The following ALOX15 variants were observed in gnomAD, a reference collection of about 807,000 sequenced individuals.
ALOX15 encodes the protein arachidonate 15-lipoxygenase.
In ALOX15, 68 loss-of-function variants were observed where a neutral mutation model predicts 71.7. The ratio of observed to expected loss-of-function variants is 0.95; its 90% CI spans 0.78 to 1.16. The LOEUF (loss-of-function observed/expected upper bound fraction) is 1.16, where lower values mean the gene tolerates loss of function less well. Ranked by LOEUF, ALOX15 falls within the 50% of genes most tolerant of loss-of-function variation. The probability of loss-of-function intolerance (pLI) is 0.00; values close to 1 mark genes in which losing one functional copy is unlikely to be tolerated. For missense variants in ALOX15, 798 were observed against 818.8 expected, an observed-to-expected ratio of 0.97 and a Z score of 0.31; for synonymous variants, 346 against 333.3, an observed-to-expected ratio of 1.04 and a Z score of -0.42.
chr17:4,637,017 G>A (rs1911121708), intron 7 of ALOX15, 98 bp downstream of exon 7: 5 of 1,454,256 alleles, frequency 3.4e-6, no homozygotes, highest in Non-Finnish European at 4.7e-6. Flanking sequence ...AGGTGCCTTA[G>A]CCCAGTGCCT....
chr17:4,632,332 G>T, intron 11 of ALOX15, 51 bp from the exon 12 acceptor site: 2 of 1,486,498 alleles, frequency 1.3e-6, no homozygotes, highest in Non-Finnish European at 1.9e-6. Context: ...GTAGGGCAGC[G>T]CTCAGAGGAA....
Position 4,633,288 on chromosome 17 carries a change from C to CGT in ALOX15, c.1274_1275dup (p.Val426ThrfsTer12), listed in dbSNP as rs1910981785. On this transcript the variant is annotated frameshift_variant, in exon 10 of 14. Transcript: ENST00000293761. LOFTEE classifies it high-confidence loss of function. Reference sequence around the variant, plus strand: ...GCTCCAGCTTGCTTGAGCAGCTGCACGTGGCCTCCCCCACCAGTGCTCATT... The same window carrying CGT: ...GCTCCAGCTTGCTTGAGCAGCTGCACGTGTGGCCTCCCCCACCAGTGCTCATT... 2 of 1,614,036 alleles carry CGT rather than the reference C, an allele frequency of 1.2e-6. No homozygotes were observed. Among genetic ancestry groups the CGT allele is most frequent in the Non-Finnish European group, 8.5e-7 (1 of 1,179,962 alleles).
intron 5 of ALOX15, 36 bp downstream of exon 5, chr17:4,638,545 G>C: frequency 6.3e-7 from 1 of 1,599,232 alleles, no homozygotes; most frequent in Non-Finnish European, 8.6e-7. Flanking sequence ...GGTGGGATCT[G>C]GGGGGTTGGG....
intron 11 of ALOX15, 83 bp from the exon 12 acceptor site, chr17:4,632,364 G>T: frequency 8.8e-7 from 1 of 1,133,028 alleles, no homozygotes; most frequent in Non-Finnish European, 1.3e-6. Context: ...AGGAGAACAA[G>T]GGCGAGAAAG....
rs1597429597 is a variant in ALOX15 at position 4,633,197 on chromosome 17, T to C, written c.1367A>G (p.Lys456Arg). The change falls in exon 10 of 14, where the codon AAG becomes AGG. Residue 456 changes from lysine to arginine, a missense_variant. By Grantham distance (26) the Lys-to-Arg change is conservative. Transcript: ENST00000293761. ...DLADRGLLGV[K>R]SSFYAQDALR... ...CGCATCTTGGGCATAGAAGGAAGACTTCACTCCCAGGAGCCCCCGGTCGGC... is the reference window on the plus strand; with the variant it reads ...CGCATCTTGGGCATAGAAGGAAGACCTCACTCCCAGGAGCCCCCGGTCGGC... 2 of 1,614,160 alleles carry C rather than the reference T, an allele frequency of 1.2e-6. No individual in the cohort carries two copies. Among genetic ancestry groups the C allele is most frequent in the Non-Finnish European group, 1.7e-6 (2 of 1,180,000 alleles).
Position 4,641,671 on chromosome 17 carries a change from C to T in ALOX15, c.-20G>A. 2 of 1,484,540 alleles carry T rather than the reference C, an allele frequency of 1.3e-6. No homozygotes were observed. The highest frequency in any genetic ancestry group is 1.2e-5 in the South Asian group (1 of 86,692). 92.0% of individuals were successfully genotyped at this position (1,484,540 alleles called of 1,614,324 possible). A position where few individuals can be genotyped will look rare whatever the true frequency, so the allele number is the denominator to read the frequency against. ...ACCCATCTTGCTCAAAGATGTTTCG[C>T]TCCTTCTGGTGGAGAAGGGTGGACG... On this transcript the variant is annotated 5_prime_UTR_variant, in exon 1 of 14. Coordinates refer to ENST00000293761, the MANE Select transcript of ALOX15 (RefSeq NM_001140.5).
intron 7 of ALOX15, 119 bp downstream of exon 7, chr17:4,636,996 T>C: frequency 8.0e-7 from 1 of 1,252,410 alleles, no homozygotes; most frequent in African/African-American, 1.5e-5. Context: ...TTTCCTCCTT[T>C]CGCGTCTCCC....
intron 10 of ALOX15, 74 bp downstream of exon 10, chr17:4,633,072 C>G: frequency 6.2e-7 from 1 of 1,609,182 alleles, no homozygotes; most frequent in Non-Finnish European, 8.5e-7. Context: ...CCCAACCAGA[C>G]GCAGACCTCC....
chr17:4,636,114 G>A (rs1323667238), intron 7 of ALOX15, 146 bp from the exon 8 acceptor site: 23 of 850,048 alleles, frequency 2.7e-5, no homozygotes, highest in Non-Finnish European at 3.5e-5. Flanking sequence ...TACGGCTCCC[G>A]TTTCCTCCCC....
intron 7 of ALOX15, among the ~76,000 whole-genome samples, chr17:4,636,644 C>T (rs1911110905): frequency 6.6e-6 from 1 of 152,134 alleles, no homozygotes; most frequent in Admixed American, 6.5e-5. Context: ...CTGCCCACAC[C>T]GCGTGCCCAC....
chr17:4,631,928 C>T lies in ALOX15; in HGVS notation c.1770G>A (p.Met590Ile), dbSNP rs1029054173. 2 of 1,613,958 alleles carry T rather than the reference C, an allele frequency of 1.2e-6. No individual in the cohort carries two copies. The highest frequency in any genetic ancestry group is 1.7e-6 in the Non-Finnish European group (2 of 1,179,946). ...LPNFHQASLQ[M>I]SITWQLGRRQ... Reference sequence around the variant, plus strand: ...GTCTGCCCAGCTGCCAAGTGATGGACATCTGGAGAGAAGCCTGGTGGAAGT... The same window carrying T: ...GTCTGCCCAGCTGCCAAGTGATGGATATCTGGAGAGAAGCCTGGTGGAAGT... Residue 590 changes from methionine to isoleucine, a missense_variant, in exon 13 of 14, where the codon ATG (methionine) becomes ATA (isoleucine). By Grantham distance (10) the Met-to-Ile change is conservative (BLOSUM62 1). Coordinates refer to ENST00000293761, the MANE Select transcript of ALOX15 (RefSeq NM_001140.5).
At chr17:4,636,397 A>G (rs917156770) in intron 7 of ALOX15, among the ~76,000 whole-genome samples, 14 of 152,302 alleles carry the variant, frequency 9.2e-5, no homozygotes, top group African/African-American at 2.9e-4. Context: ...AACATTGGCC[A>G]GACAAAAATC....
Position 4,631,510 on chromosome 17 carries a change from G to T in ALOX15, c.*90C>A. ...AGGGAGGGTGGGACATGGGAAGAGG[G>T]TGGGACTTGGGAGGGCAGGGCTATA... is the stretch of plus-strand genomic sequence containing the variant. On this transcript the variant is annotated 3_prime_UTR_variant, in exon 14 of 14. Coordinates refer to ENST00000293761, the MANE Select transcript of ALOX15 (RefSeq NM_001140.5). 6.7e-7 allele frequency: 1 copy of T among 1,488,094 alleles called. No homozygotes were observed. Among genetic ancestry groups the T allele is most frequent in the Non-Finnish European group, 9.1e-7 (1 of 1,102,092 alleles). 92.2% of individuals were successfully genotyped at this position (1,488,094 alleles called of 1,614,324 possible). A position where few individuals can be genotyped will look rare whatever the true frequency, so the allele number is the denominator to read the frequency against.
At chr17:4,641,143 G>A (rs1316839883) in intron 1 of ALOX15, among the ~76,000 whole-genome samples, 1 of 151,168 alleles carries the variant, frequency 6.6e-6, no homozygotes, top group African/African-American at 2.4e-5. Flanking sequence ...AGGTGATAAA[G>A]CCTGAAAGGT....
In ALOX15 at chr17:4,632,994, C is replaced by G; in HGVS notation, c.1419-12G>C. 3 of 1,614,104 alleles carry G rather than the reference C, an allele frequency of 1.9e-6. No homozygotes were observed. The highest frequency in any genetic ancestry group is 2.5e-6 in the Non-Finnish European group (3 of 1,180,008). On this transcript the variant is annotated splice_polypyrimidine_tract_variant and intron_variant, in intron 10 of 13. Coordinates refer to ENST00000293761, the MANE Select transcript of ALOX15 (RefSeq NM_001140.5). ...TTCCTTCCACATACCTACCAACCAACGGAGCAGGGCCAGGGAGCTGAAGCC... is the reference window on the plus strand; with the variant it reads ...TTCCTTCCACATACCTACCAACCAAGGGAGCAGGGCCAGGGAGCTGAAGCC...
rs1472437416 is a variant in ALOX15 at position 4,633,480 on chromosome 17, T to A, written c.1182A>T (p.Arg394=). ...CCCGGACGTTAATTTCCAGGGTGTA[T>A]CGCAGGTGGGGAATTATAAGCTAGA... is the stretch of plus-strand genomic sequence containing the variant. The part of the protein sequence containing the change: ...PIFKLIIPHL[R]YTLEINVRAR... The change falls in exon 9 of 14, where the codon CGA becomes CGT. Residue 394 remains arginine (R), a synonymous_variant. Transcript: ENST00000293761. 6.8e-6 allele frequency: 11 copies of A among 1,614,032 alleles called. 1 individual carries two copies. The South Asian group carries it at 1.1e-4, about 16-fold the overall frequency.
intron 7 of ALOX15, 71 bp downstream of exon 7, chr17:4,637,044 G>A: frequency 6.5e-7 from 1 of 1,539,092 alleles, no homozygotes; most frequent in Non-Finnish European, 8.8e-7. Context: ...ATGGTGCTCA[G>A]TAAATTTTGA....
chr17:4,633,629 C>T, intron 8 of ALOX15, 129 bp from the exon 9 acceptor site: 1 of 707,908 alleles, frequency 1.4e-6, no homozygotes, highest in Non-Finnish European at 2.4e-6. Context: ...TCAGTGGCCT[C>T]TCAACAGTGA....
Position 4,632,852 on chromosome 17 carries a change from T to C in ALOX15, c.1540+9A>G. On this transcript the variant is annotated intron_variant, in intron 11 of 13. Transcript: ENST00000293761. The stretch of plus-strand genomic sequence containing the variant: ...GTGTCTGAGATCTCAGGGCAGGGGC[T>C]CCTCTTACCTCGGTCCTGGGCCCCT... 1 of 1,614,046 alleles carries C rather than the reference T, an allele frequency of 6.2e-7. No homozygotes were observed. The highest frequency in any genetic ancestry group is 8.5e-7 in the Non-Finnish European group (1 of 1,179,966).
Sources: allele counts gnomAD v4.1 joint callset (sites outside exome capture counted in the v4.1 genomes callset), GRCh38; gene constraint gnomAD v4.1.1; transcripts MANE v1.5; gene names NCBI Gene and HGNC (gene_info 2026-07-23, HGNC 2026-07-21).